The following TAFA5 variants were observed in gnomAD, a reference collection of about 807,000 sequenced individuals.
The protein encoded by TAFA5 is TAFA chemokine like family member 5, also known as chemokine-like protein TAFA-5.
TAFA5 carries 6 observed loss-of-function variants against 15.3 expected under a neutral mutation model. The observed-to-expected ratio is 0.39, with a 90% confidence interval of 0.21 to 0.77. TAFA5 has a LOEUF of 0.77. TAFA5 is among the 30% of genes least tolerant of loss of function. The probability of loss-of-function intolerance (pLI) is 0.41; values close to 1 mark genes in which losing one functional copy is unlikely to be tolerated. For synonymous variants in TAFA5, 103 were observed against 80.7 expected, an observed-to-expected ratio of 1.28 and a Z score of -1.48; for missense variants, 161 against 193.1, an observed-to-expected ratio of 0.83 and a Z score of 0.98.
At chr22:48,512,883 A>T (rs1229360908) in intron 1 of TAFA5, among the ~76,000 whole-genome samples, 3 of 142,538 alleles carry the variant, frequency 2.1e-5, no homozygotes, top group Admixed American at 1.5e-4. Context: ...AGATTGTGCC[A>T]CTGCAGTCCA....
chr22:48,634,926 CTT>C (rs1387890131), intron 1 of TAFA5, among the ~76,000 whole-genome samples: 2 of 152,210 alleles, frequency 1.3e-5, no homozygotes, highest in African/African-American at 2.4e-5. Context: ...TTGCTGCACT[CTT>C]TGGTTTGTGT....
intron 1 of TAFA5, among the ~76,000 whole-genome samples, chr22:48,532,421 G>C (rs1158133496): frequency 1.3e-5 from 2 of 152,224 alleles, no homozygotes; most frequent in African/African-American, 2.4e-5. Flanking sequence ...TTTCCCTCCT[G>C]CTCAATCCCA....
intron 2 of TAFA5, among the ~76,000 whole-genome samples, chr22:48,705,472 C>T (rs1929049377): frequency 1.3e-5 from 2 of 152,186 alleles, no homozygotes; most frequent in Admixed American, 1.3e-4. Context: ...CCAGACCTGC[C>T]TCCCCTGCGA....
chr22:48,539,065 G>A, intron 1 of TAFA5: 1 of 238,984 alleles, frequency 4.2e-6, no homozygotes, highest in South Asian at 6.1e-5. Flanking sequence ...CCTGTGGGGT[G>A]GGCACTGGCT....
chr22:48,658,123 C>T (rs1481472485), intron 2 of TAFA5, among the ~76,000 whole-genome samples: 1 of 151,910 alleles, frequency 6.6e-6, no homozygotes, highest in Non-Finnish European at 1.5e-5. Flanking sequence ...TTAGCAGGGA[C>T]ATTCGTGACG....
intron 3 of TAFA5, among the ~76,000 whole-genome samples, chr22:48,748,627 C>T (rs750440019): frequency 6.6e-6 from 1 of 152,190 alleles, no homozygotes. Context: ...AATCCCACAG[C>T]CCCGTTGGGT....
chr22:48,596,740 G>A (rs575586800), intron 1 of TAFA5, among the ~76,000 whole-genome samples: 52 of 152,260 alleles, frequency 3.4e-4, no homozygotes, highest in African/African-American at 1.2e-3. Context: ...TGCGTCCACC[G>A]AGATCGTAGC....
intron 1 of TAFA5, among the ~76,000 whole-genome samples, chr22:48,583,193 C>T (rs537283478): frequency 1.4e-5 from 2 of 147,198 alleles, no homozygotes; most frequent in African/African-American, 2.5e-5. Context: ...GCACTCCAAA[C>T]ACAAAATATA....
At chr22:48,576,100 G>C (rs1923781224) in intron 1 of TAFA5, among the ~76,000 whole-genome samples, 1 of 117,070 alleles carries the variant, frequency 8.5e-6, no homozygotes, top group East Asian at 2.7e-4. Flanking sequence ...TCCGGGCCCT[G>C]CTGGCGGTGC....
At chr22:48,497,276 G>A (rs1398191958) in intron 1 of TAFA5, among the ~76,000 whole-genome samples, 2 of 152,210 alleles carry the variant, frequency 1.3e-5, no homozygotes, top group South Asian at 2.1e-4. Context: ...AGGAGAAGCC[G>A]GGGCCTGCGG....
At chr22:48,705,280 C>G (rs1929044254) in intron 2 of TAFA5, among the ~76,000 whole-genome samples, 1 of 152,100 alleles carries the variant, frequency 6.6e-6, no homozygotes, top group Non-Finnish European at 1.5e-5. Flanking sequence ...ACACAGCACC[C>G]CACAGCGTCC....
At chr22:48,701,085 A>G (rs1216053542) in intron 2 of TAFA5, among the ~76,000 whole-genome samples, 2 of 152,122 alleles carry the variant, frequency 1.3e-5, no homozygotes, top group African/African-American at 4.8e-5. Flanking sequence ...AGGGCCTGGT[A>G]CAATGGATGT....
Position 48,552,649 on chromosome 22 carries a change from A to C in TAFA5, c.112+62945A>C, listed in dbSNP as rs895959449. 4.6e-5 allele frequency among the ~76,000 whole-genome samples: 7 copies of C among 152,136 alleles called. No individual in the cohort carries two copies. Among genetic ancestry groups the C allele is most frequent in the Non-Finnish European group, 1.0e-4 (7 of 68,010 alleles). ...GCGGGCAGGGTGGGAGACCCCTTCC[A>C]GAGGGGCCCCTGTAGATTAGCTCAG... On this transcript the variant is annotated intron_variant, in intron 1 of 3. Coordinates refer to ENST00000402357, the MANE Select transcript of TAFA5 (RefSeq NM_001082967.3). This position sits in a 1 kb window ranked among gnomAD's most constrained non-coding sequence, Gnocchi z 4.1.
intron 1 of TAFA5, among the ~76,000 whole-genome samples, chr22:48,575,985 G>A (rs1276088041): frequency 1.4e-5 from 2 of 141,300 alleles, no homozygotes; most frequent in African/African-American, 2.6e-5. Context: ...AGGCGACGCC[G>A]AGCAGCGGGC....
At chr22:48,707,280 C>T (rs952636312) in intron 2 of TAFA5, among the ~76,000 whole-genome samples, 6 of 152,180 alleles carry the variant, frequency 3.9e-5, no homozygotes, top group Non-Finnish European at 8.8e-5. Flanking sequence ...GCCTGGGCCC[C>T]CTTGTTCCCC....
At chr22:48,615,587 G>A (rs1925571953) in intron 1 of TAFA5, among the ~76,000 whole-genome samples, 1 of 152,182 alleles carries the variant, frequency 6.6e-6, no homozygotes, top group African/African-American at 2.4e-5. Flanking sequence ...TATTTACAAG[G>A]TGATTCTCCT....
intron 3 of TAFA5, among the ~76,000 whole-genome samples, chr22:48,711,883 AC>A (rs1424733729): frequency 6.6e-6 from 1 of 151,840 alleles, no homozygotes; most frequent in Non-Finnish European, 1.5e-5. Context: ...GTTGCCGTTT[AC>A]TTCTCTGTGT....
At chr22:48,629,078 G>T (rs1305596653) in intron 1 of TAFA5, among the ~76,000 whole-genome samples, 3 of 152,200 alleles carry the variant, frequency 2.0e-5, no homozygotes, top group Admixed American at 1.3e-4. Context: ...GGCCCTGCCG[G>T]CGGCCTCCTG....
chr22:48,720,718 C>G (rs1292926308), intron 3 of TAFA5, among the ~76,000 whole-genome samples: 1 of 152,024 alleles, frequency 6.6e-6, no homozygotes, highest in African/African-American at 2.4e-5. Flanking sequence ...AAATGCAATG[C>G]CTTGGTCCCC....
Sources: allele counts gnomAD v4.1 joint callset (sites outside exome capture counted in the v4.1 genomes callset), GRCh38; gene constraint gnomAD v4.1.1; non-coding constraint Gnocchi (gnomAD v3.1); transcripts MANE v1.5; gene names NCBI Gene and HGNC (gene_info 2026-07-23, HGNC 2026-07-21).